DOCK1: variants seen among roughly 807,000 people sequenced by gnomAD.
DOCK1 encodes dedicator of cytokinesis protein 1.
In DOCK1, 138 loss-of-function variants were observed where a neutral mutation model predicts 262.7. The ratio of observed to expected loss-of-function variants is 0.53; its 90% CI spans 0.46 to 0.61. The LOEUF is 0.61. Ranked by LOEUF, DOCK1 falls within the 20% of genes least tolerant of loss-of-function variation. The probability of loss-of-function intolerance (pLI) is 0.00; values close to 1 mark genes in which losing one functional copy is unlikely to be tolerated. For synonymous variants in DOCK1, 866 were observed against 867.4 expected, an observed-to-expected ratio of 1.00 and a Z score of 0.03; for missense variants, 1,908 against 2,370.7, an observed-to-expected ratio of 0.80 and a Z score of 4.05.
intron 10 of DOCK1, among the ~76,000 whole-genome samples, chr10:127,008,203 G>A (rs544436846): frequency 2.0e-5 from 3 of 152,174 alleles, no homozygotes; most frequent in South Asian, 2.1e-4. Context: ...GCCCAAGCAA[G>A]TCTCCCATCT....
At chr10:127,135,578 T>G (rs1022725690) in intron 27 of DOCK1, 1 of 152,676 alleles carries the variant, frequency 6.5e-6, no homozygotes. Flanking sequence ...TACTTGAATC[T>G]TTCCAAGAGA....
At chr10:127,349,567 G>C (rs988642529) in intron 31 of DOCK1, among the ~76,000 whole-genome samples, 1 of 152,130 alleles carries the variant, frequency 6.6e-6, no homozygotes, top group African/African-American at 2.4e-5. Context: ...GATTGGGTCA[G>C]AATATTCACT....
intron 27 of DOCK1, among the ~76,000 whole-genome samples, chr10:127,228,664 A>T (rs535019075): frequency 6.6e-6 from 1 of 152,346 alleles, no homozygotes; most frequent in South Asian, 2.1e-4. Flanking sequence ...GTTACTGCTG[A>T]TTGAATAGTC....
chr10:127,436,485 C>A (rs1046310299), intron 48 of DOCK1, among the ~76,000 whole-genome samples: 38 of 152,094 alleles, frequency 2.5e-4, no homozygotes, highest in Admixed American at 1.3e-4. Flanking sequence ...AACCACTGCA[C>A]TCCAGCCTGG....
chr10:127,251,658 T>C (rs1369247319), intron 28 of DOCK1, among the ~76,000 whole-genome samples: 1 of 150,440 alleles, frequency 6.6e-6, no homozygotes, highest in Non-Finnish European at 1.5e-5. Flanking sequence ...TGCAATAGTT[T>C]ACTGAGAATG....
At chr10:126,972,542 G>GT (rs1383424918) in intron 2 of DOCK1, among the ~76,000 whole-genome samples, 1 of 152,072 alleles carries the variant, frequency 6.6e-6, no homozygotes, top group East Asian at 1.9e-4. Context: ...TTTCACAGAG[G>GT]TTTTTTAGCA....
intron 29 of DOCK1, among the ~76,000 whole-genome samples, chr10:127,300,285 G>A (rs1369121487): frequency 6.6e-6 from 1 of 152,222 alleles, no homozygotes; most frequent in African/African-American, 2.4e-5. Flanking sequence ...TGCCTCTCCT[G>A]TGCGGCTTCT....
At chr10:127,403,494 T>A (rs187436163) in intron 39 of DOCK1, among the ~76,000 whole-genome samples, 6 of 152,336 alleles carry the variant, frequency 3.9e-5, no homozygotes, top group African/African-American at 1.4e-4. Flanking sequence ...GCGCACTGGC[T>A]CACGCCTGTA....
At chr10:127,156,159 C>T (rs2053023382) in intron 27 of DOCK1, among the ~76,000 whole-genome samples, 1 of 152,164 alleles carries the variant, frequency 6.6e-6, no homozygotes, top group South Asian at 2.1e-4. Context: ...TCTATCAAGC[C>T]TCATCAACAT....
chr10:127,031,728 G>C lies in DOCK1; in HGVS notation c.1703G>C (p.Gly568Ala). ...MRYDGTTLRD[G>A]EHDLIVYKAE... ...TACGATGGTACCACCCTGCGAGACG[G>C]AGAGCACGATCTTATCGTCTATAAG... The change falls in exon 17 of 52, where the codon GGA becomes GCA. Residue 568 changes from glycine (G) to alanine (A), a missense_variant. Physicochemically the swap from Gly to Ala is moderately conservative, Grantham distance 60. Coordinates refer to ENST00000623213, the MANE Select transcript of DOCK1 (RefSeq NM_001290223.2). The C allele has an allele frequency of 6.2e-7, 1 of 1,613,326 alleles. No homozygotes were observed. The highest frequency in any genetic ancestry group is 8.5e-7 in the Non-Finnish European group (1 of 1,179,774).
intron 31 of DOCK1, among the ~76,000 whole-genome samples, chr10:127,350,426 A>G (rs1398927759): frequency 6.6e-6 from 1 of 152,098 alleles, no homozygotes; most frequent in African/African-American, 2.4e-5. Context: ...CCTCCTGCCC[A>G]GAATGCTCTT....
chr10:127,408,024 A>T (rs982688321), intron 40 of DOCK1, among the ~76,000 whole-genome samples: 2 of 152,068 alleles, frequency 1.3e-5, no homozygotes, highest in African/African-American at 2.4e-5. Flanking sequence ...GACCGAGTTC[A>T]CACTCAGAAC....
intron 23 of DOCK1, among the ~76,000 whole-genome samples, chr10:127,087,828 A>G (rs1257331767): frequency 6.6e-6 from 1 of 152,220 alleles, no homozygotes; most frequent in East Asian, 1.9e-4. Context: ...TCTTGGAATT[A>G]CATGGGGACT....
At chr10:127,250,322 G>A (rs1271792726) in intron 28 of DOCK1, among the ~76,000 whole-genome samples, 3 of 152,186 alleles carry the variant, frequency 2.0e-5, no homozygotes, top group East Asian at 3.9e-4. Flanking sequence ...ATGCCGAATG[G>A]CATTTAAAAA....
intron 21 of DOCK1, among the ~76,000 whole-genome samples, chr10:127,044,518 A>G (rs1591792995): frequency 6.6e-6 from 1 of 152,200 alleles, no homozygotes; most frequent in East Asian, 1.9e-4. Flanking sequence ...GGTGCATTGC[A>G]GGGCACTTTT....
chr10:127,351,665 T>A (rs1347461433), intron 31 of DOCK1, among the ~76,000 whole-genome samples: 1 of 152,174 alleles, frequency 6.6e-6, no homozygotes, highest in African/African-American at 2.4e-5. Flanking sequence ...CCCGGGGTTC[T>A]GCTTCCAGGC....
Position 127,312,958 on chromosome 10 carries a change from T to C in DOCK1, c.3045-26048T>C, listed in dbSNP as rs191011444. The stretch of plus-strand genomic sequence containing the variant: ...TTCAAGGATTGCCATTTAGGAGAGA[T>C]GTTAAGTCCACTCCCCTAGCCTGGC... On this transcript the variant is annotated intron_variant, in intron 29 of 51. Transcript: ENST00000623213. Among the ~76,000 whole-genome samples, 557 of 152,244 alleles carry C rather than the reference T, an allele frequency of 3.7e-3. 1 individual carries two copies. The highest frequency in any genetic ancestry group is 6.0e-3 in the Non-Finnish European group (407 of 68,022).
chr10:127,075,660 A>G lies in DOCK1; in HGVS notation c.2445+13884A>G, dbSNP rs528791266. 2.0e-5 allele frequency among the ~76,000 whole-genome samples: 3 copies of G among 152,290 alleles called. No homozygotes were observed. The East Asian group carries it at 5.8e-4, about 29-fold the overall frequency. On this transcript the variant is annotated intron_variant, in intron 23 of 51. Transcript: ENST00000623213. ...GACCTTCTTCACATGGCGGCAGGAG[A>G]GAGAGCGGAGGGGGAAGTGACACAC...
chr10:127,185,414 T>C (rs1336683488), intron 27 of DOCK1, among the ~76,000 whole-genome samples: 2 of 152,054 alleles, frequency 1.3e-5, no homozygotes, highest in Admixed American at 6.5e-5. Context: ...TAATCCCAGC[T>C]ACTTGGGAGG....
Sources: gnomAD v4.1 joint callset for allele counts (sites outside exome capture counted in the v4.1 genomes callset) on GRCh38, gnomAD v4.1.1 for gene constraint, MANE v1.5 for transcripts, NCBI Gene and HGNC (gene_info 2026-07-23, HGNC 2026-07-21) for gene names.